GRIP2: variants seen among roughly 807,000 people sequenced by gnomAD.
The protein encoded by GRIP2 is glutamate receptor interacting protein 2.
A neutral mutation model predicts 108.3 loss-of-function variants in GRIP2; 58 were observed. That is an observed-to-expected ratio of 0.54 (90% CI 0.43 to 0.67). The LOEUF (loss-of-function observed/expected upper bound fraction) is 0.67. Among genes scored for constraint, GRIP2 ranks in the 30% least tolerant of loss-of-function variants. The pLI is 0.00. For missense variants in GRIP2, 1,278 were observed against 1,430.6 expected (o/e 0.89, Z 1.72); for synonymous variants, 586 against 598.2 (o/e 0.98, Z 0.30).
At chr3:14,564,566 T>C in the GRIP2 span, among the ~76,000 whole-genome samples, 2 of 152,236 alleles carry the variant, frequency 1.3e-5, no homozygotes, top group African/African-American at 4.8e-5. Flanking sequence ...CACCCGGTGG[T>C]GTGACATTTC....
chr3:14,538,482 C>T (rs1694886559), intron 1 of GRIP2, among the ~76,000 whole-genome samples: 1 of 152,202 alleles, frequency 6.6e-6, no homozygotes, highest in Non-Finnish European at 1.5e-5. Flanking sequence ...AAATGAAGCT[C>T]ACTAAAGTGA....
upstream of GRIP2, chr3:14,540,522 C>T (rs990950595): frequency 1.9e-5 from 21 of 1,122,058 alleles, no homozygotes; most frequent in African/African-American, 2.5e-4. This position sits in a 1 kb window ranked among gnomAD's most constrained non-coding sequence, Gnocchi z 4.1. Flanking sequence ...CATGCCCCAC[C>T]CCTGCAGCCT....
the GRIP2 span, among the ~76,000 whole-genome samples, chr3:14,591,776 G>A: frequency 6.6e-6 from 1 of 152,176 alleles, no homozygotes; most frequent in African/African-American, 2.4e-5. Flanking sequence ...AGGACCTTCT[G>A]GGAGTACACG....
chr3:14,571,469 G>A, the GRIP2 span, among the ~76,000 whole-genome samples: 2 of 151,814 alleles, frequency 1.3e-5, no homozygotes, highest in Admixed American at 6.6e-5. Context: ...CCACCCCCGC[G>A]CACCTCAGAT....
chr3:14,508,217 C>T (rs1488055178), intron 17 of GRIP2, among the ~76,000 whole-genome samples: 1 of 152,234 alleles, frequency 6.6e-6, no homozygotes, highest in African/African-American at 2.4e-5. Context: ...CCCAGCAGAC[C>T]TCACAGTAGG....
the GRIP2 span, among the ~76,000 whole-genome samples, chr3:14,565,160 A>T: frequency 2.0e-5 from 3 of 152,218 alleles, no homozygotes; most frequent in South Asian, 6.2e-4. Context: ...GGCACCAGCC[A>T]GTGAGACCCT....
chr3:14,544,748 G>A (rs1209537187), upstream of GRIP2, among the ~76,000 whole-genome samples: 3 of 152,186 alleles, frequency 2.0e-5, no homozygotes, highest in Non-Finnish European at 4.4e-5. Flanking sequence ...CTCAGAACCT[G>A]CATCTTGTTG....
chr3:14,557,383 A>G (rs1695254751), upstream of GRIP2, among the ~76,000 whole-genome samples: 1 of 152,208 alleles, frequency 6.6e-6, no homozygotes, highest in African/African-American at 2.4e-5. Flanking sequence ...ATAATTTTAA[A>G]CAAAGACAGA....
intron 1 of GRIP2, among the ~76,000 whole-genome samples, chr3:14,527,391 A>AGGAAAGGAAAGGAAAGAAAG (rs72297166): frequency 0.3 from 42,269 of 139,984 alleles, 7,452 homozygotes; most frequent in South Asian, 0.5. Flanking sequence ...AGGAAAGGAA[A>AGGAAAGGAAAGGAAAGAAAG]GAAAGGAAAG....
chr3:14,500,958 A>C (rs1693749112), intron 21 of GRIP2, among the ~76,000 whole-genome samples: 1 of 152,234 alleles, frequency 6.6e-6, no homozygotes, highest in African/African-American at 2.4e-5. Flanking sequence ...TATTGCTTAC[A>C]CTTGTTAGAA....
intron 17 of GRIP2, among the ~76,000 whole-genome samples, chr3:14,508,096 C>T (rs1020649826): frequency 6.6e-6 from 1 of 152,152 alleles, no homozygotes; most frequent in African/African-American, 2.4e-5. Flanking sequence ...ATAACTGAGG[C>T]GTGAATGAAC....
At chr3:14,517,037 A>T (rs747677953) in intron 11 of GRIP2, 27 bp downstream of exon 11, 169 of 1,492,506 alleles carry the variant, frequency 1.1e-4, no homozygotes, top group Non-Finnish European at 1.5e-4. Flanking sequence ...AAGCAGCCCA[A>T]GGAGGAGGGA....
At position 14,492,313 on chromosome 3, in the gene GRIP2, GC is replaced by G. The variant is rs995737922; in HGVS notation, c.*1351del. 6.6e-6 allele frequency: 1 copy of G among 152,260 alleles called. No individual in the cohort carries two copies. Among genetic ancestry groups the G allele is most frequent in the African/African-American group, 2.4e-5 (1 of 41,426 alleles). 9.4% of individuals were successfully genotyped at this position (152,260 alleles called of 1,614,324 possible). ...GAGACAGATGGAGGTGGGAGTGGGTGCCCCGTTTTCCTGAGACCCCTGTGAG... is the reference window on the plus strand; with the variant it reads ...GAGACAGATGGAGGTGGGAGTGGGTGCCCGTTTTCCTGAGACCCCTGTGAG... On this transcript the variant is annotated 3_prime_UTR_variant, in exon 24 of 24. Coordinates refer to ENST00000621039, the MANE Select transcript of GRIP2 (RefSeq NM_001080423.4).
At chr3:14,541,408 C>T (rs1041122208), upstream of GRIP2, among the ~76,000 whole-genome samples, 5 of 152,190 alleles carry the variant, frequency 3.3e-5, no homozygotes, top group Admixed American at 2.0e-4. Flanking sequence ...TGGGAACACA[C>T]GAGCCTCATA....
the GRIP2 span, among the ~76,000 whole-genome samples, chr3:14,592,332 G>C: frequency 6.6e-6 from 1 of 152,344 alleles, no homozygotes; most frequent in Middle Eastern, 3.4e-3. Flanking sequence ...CACCCTGGGA[G>C]GTGCCATCCA....
In GRIP2 at chr3:14,507,503, G is replaced by A. The variant is rs930916984; in HGVS notation, c.2218+58C>T. ...GGGTGTGCAGGCAAAGCCTGGCACA[G>A]AGGGATTGCCCTTCCTAAACCTGCT... On this transcript the variant is annotated intron_variant, in intron 18 of 23. Coordinates refer to ENST00000621039, the MANE Select transcript of GRIP2 (RefSeq NM_001080423.4). This position sits in a 1 kb window ranked among gnomAD's most constrained non-coding sequence, Gnocchi z 4.6. The A allele has an allele frequency of 1.3e-6, 2 of 1,593,686 alleles. No homozygotes were observed. Among genetic ancestry groups the A allele is most frequent in the Non-Finnish European group, 1.7e-6 (2 of 1,163,566 alleles).
chr3:14,546,929 C>A (rs1695067298), upstream of GRIP2, among the ~76,000 whole-genome samples: 2 of 152,170 alleles, frequency 1.3e-5, no homozygotes, highest in Admixed American at 6.5e-5. Flanking sequence ...GTCTGGCCAC[C>A]TGTGTCCCAG....
At position 14,490,465 on chromosome 3, in the gene GRIP2, T is replaced by C. The variant is rs1399339270; in HGVS notation, c.*3200A>G. 2 of 152,546 alleles carry C rather than the reference T, an allele frequency of 1.3e-5. No individual in the cohort carries two copies. 9.4% of individuals were successfully genotyped at this position (152,546 alleles called of 1,614,324 possible). Reference sequence around the variant, plus strand: ...CCTGGCCTCTGGGTCCCAGACCCTGTAGCTCACCTGCCCTAGACACTCTCT... The same window carrying C: ...CCTGGCCTCTGGGTCCCAGACCCTGCAGCTCACCTGCCCTAGACACTCTCT... On this transcript the variant is annotated 3_prime_UTR_variant, in exon 24 of 24. Coordinates refer to ENST00000621039, the MANE Select transcript of GRIP2 (RefSeq NM_001080423.4).
chr3:14,585,586 A>G, the GRIP2 span, among the ~76,000 whole-genome samples: 7 of 152,230 alleles, frequency 4.6e-5, no homozygotes, highest in Non-Finnish European at 2.9e-5. Context: ...CAGAGGAAAC[A>G]GACGTGAGCT....
Sources: allele counts gnomAD v4.1 joint callset (sites outside exome capture counted in the v4.1 genomes callset), GRCh38; gene constraint gnomAD v4.1.1; non-coding constraint Gnocchi (gnomAD v3.1); transcripts MANE v1.5; gene names NCBI Gene and HGNC (gene_info 2026-07-23, HGNC 2026-07-21).